Variants in GADL1 observed in about 807,000 individuals in gnomAD.
GADL1 encodes acidic amino acid decarboxylase GADL1.
Under a neutral mutation model 69.5 loss-of-function variants are expected in GADL1, and 71 were observed. That is an observed-to-expected ratio of 1.02 (90% confidence interval 0.84 to 1.25). The LOEUF (loss-of-function observed/expected upper bound fraction) is 1.25, where lower values mean the gene tolerates loss of function less well. Among genes scored for constraint, GADL1 ranks in the 50% most tolerant of loss-of-function variants. The pLI is 0.00. For missense variants in GADL1, 737 were observed against 631.8 expected (o/e 1.17, Z -1.79); for synonymous variants, 254 against 214.4 (o/e 1.18, Z -1.62).
chr3:30,850,134 G>A (rs780594364), intron 5 of GADL1, 23 bp from the exon 6 acceptor site: 6 of 1,295,910 alleles, frequency 4.6e-6, no homozygotes, highest in Non-Finnish European at 4.5e-6. Flanking sequence ...AATTAAAATG[G>A]CATATTTATA....
At chr3:30,768,103 C>CT (rs1262134743) in intron 14 of GADL1, among the ~76,000 whole-genome samples, 1 of 145,952 alleles carries the variant, frequency 6.9e-6, no homozygotes, top group East Asian at 2.1e-4. Flanking sequence ...TCATTCCTTA[C>CT]TGCTGGCATT....
intron 8 of GADL1, among the ~76,000 whole-genome samples, chr3:30,843,616 T>G (rs929729894): frequency 6.6e-6 from 1 of 152,202 alleles, no homozygotes; most frequent in Admixed American, 6.5e-5. Flanking sequence ...GCACAGCAGG[T>G]GCCCAGAGCC....
intron 14 of GADL1, among the ~76,000 whole-genome samples, chr3:30,772,372 CAAAA>C (rs1696435992): frequency 6.6e-6 from 1 of 152,052 alleles, no homozygotes; most frequent in Non-Finnish European, 1.5e-5. Context: ...GAAATATTGA[CAAAA>C]TAAGAAATAT....
At chr3:30,818,346 A>G (rs1219138563) in intron 11 of GADL1, among the ~76,000 whole-genome samples, 1 of 152,224 alleles carries the variant, frequency 6.6e-6, no homozygotes, top group East Asian at 1.9e-4. Flanking sequence ...TGGATGTACA[A>G]AAAGGGAACT....
At chr3:30,801,123 T>C (rs769392400) in intron 11 of GADL1, 35 bp from the exon 12 acceptor site, 2 of 1,517,394 alleles carry the variant, frequency 1.3e-6, no homozygotes, top group Admixed American at 3.4e-5. Flanking sequence ...ACTGTTAAAC[T>C]TTAGAATATA....
At chr3:30,787,745 A>C (rs921019430) in intron 12 of GADL1, among the ~76,000 whole-genome samples, 1 of 152,164 alleles carries the variant, frequency 6.6e-6, no homozygotes, top group Non-Finnish European at 1.5e-5. Context: ...CTTACCTGTA[A>C]AACTGGACTA....
chr3:30,886,320 G>A (rs1698708298), intron 1 of GADL1, among the ~76,000 whole-genome samples: 1 of 152,102 alleles, frequency 6.6e-6, no homozygotes, highest in Non-Finnish European at 1.5e-5. Context: ...AAAAGAAGAA[G>A]CAATATGGAG....
intron 11 of GADL1, among the ~76,000 whole-genome samples, chr3:30,822,822 AAAT>A (rs1400299732): frequency 4.6e-5 from 7 of 151,970 alleles, no homozygotes; most frequent in Non-Finnish European, 1.0e-4. Flanking sequence ...TTACATAACT[AAAT>A]AATAGCATAT....
intron 14 of GADL1, among the ~76,000 whole-genome samples, chr3:30,751,790 A>G (rs537644301): frequency 7.2e-6 from 1 of 138,500 alleles, no homozygotes; most frequent in Non-Finnish European, 1.7e-5. Flanking sequence ...TTCATGGCTC[A>G]TAGTTTTTAG....
Position 30,861,629 on chromosome 3 carries a change from T to G in GADL1, c.174A>C (p.Glu58Asp). Reference protein sequence around the residue: ...FVEEACRLIMEEVVLKATDVN... With the variant: ...FVEEACRLIMDEVVLKATDVN... ...CATCTGTAGCTTTCAAAACCACCTC[T>G]TCCATTATTAGCCTACAGGCCTCTT... Residue 58 changes from glutamate (E) to aspartate (D), a missense_variant, in exon 2 of 15, where the codon GAA (glutamate) becomes GAC (aspartate). Glu to Asp is a conservative substitution (Grantham distance 45). Transcript: ENST00000282538. 1 of 1,549,946 alleles carries G rather than the reference T, an allele frequency of 6.5e-7. No individual in the cohort carries two copies. The highest frequency in any genetic ancestry group is 8.7e-7 in the Non-Finnish European group (1 of 1,145,930).
intron 13 of GADL1, among the ~76,000 whole-genome samples, chr3:30,785,459 G>A (rs535600341): frequency 4.4e-4 from 64 of 144,788 alleles, no homozygotes; most frequent in African/African-American, 1.6e-3. Context: ...ATAGCTCACC[G>A]CAACCACCGC....
At chr3:30,806,098 C>G (rs938186369) in intron 11 of GADL1, among the ~76,000 whole-genome samples, 1 of 151,960 alleles carries the variant, frequency 6.6e-6, no homozygotes, top group Admixed American at 6.6e-5. Flanking sequence ...CAACAACAAA[C>G]CTTTGTATTT....
chr3:30,842,821 T>TAAAAAAAAAAAAAAAAAAA (rs1559358436), intron 8 of GADL1, among the ~76,000 whole-genome samples: 2 of 66,468 alleles, frequency 3.0e-5, no homozygotes, highest in Non-Finnish European at 5.3e-5. Flanking sequence ...ATTGGAATGT[T>TAAAAAAAAAAAAAAAAAAA]TAAAAAAAAA....
At chr3:30,812,291 T>C (rs1157980089) in intron 11 of GADL1, among the ~76,000 whole-genome samples, 1 of 152,186 alleles carries the variant, frequency 6.6e-6, no homozygotes, top group Non-Finnish European at 1.5e-5. Context: ...TATTCAACCT[T>C]TTGCTTTGCT....
intron 6 of GADL1, among the ~76,000 whole-genome samples, chr3:30,848,937 C>T (rs1559360426): frequency 6.6e-6 from 1 of 152,106 alleles, no homozygotes; most frequent in African/African-American, 2.4e-5. Flanking sequence ...CAGCAAGTCC[C>T]CCCATGAGGT....
intron 11 of GADL1, among the ~76,000 whole-genome samples, chr3:30,814,785 G>A (rs1246109809): frequency 6.6e-6 from 1 of 152,016 alleles, no homozygotes; most frequent in African/African-American, 2.4e-5. Flanking sequence ...CCAAGATAGT[G>A]AAATCCTGCC....
At chr3:30,842,092 A>G (rs971525085) in intron 8 of GADL1, among the ~76,000 whole-genome samples, 1 of 152,006 alleles carries the variant, frequency 6.6e-6, no homozygotes, top group Non-Finnish European at 1.5e-5. Context: ...GAGGAGGAGG[A>G]AGCTATAGAT....
rs1217122136 is a variant in GADL1 at position 30,854,584 on chromosome 3, T to TAG, written c.428+114_428+115insCT. On this transcript the variant is annotated intron_variant, in intron 4 of 14. Coordinates refer to ENST00000282538, the MANE Select transcript of GADL1 (RefSeq NM_207359.3). ...AAGTATCATAAAACTATTCCATTAT[T>TAG]TGCGATGGCACTATGCAAAAGAAAC... is the stretch of plus-strand genomic sequence containing the variant. 2.3e-5 allele frequency: 14 copies of TAG among 615,828 alleles called. No individual in the cohort carries two copies. The African/African-American group carries it at 2.6e-4, about 11-fold the overall frequency. 38.1% of individuals were successfully genotyped at this position (615,828 alleles called of 1,614,324 possible).
At chr3:30,761,749 A>T (rs915404729) in intron 14 of GADL1, among the ~76,000 whole-genome samples, 3 of 152,140 alleles carry the variant, frequency 2.0e-5, no homozygotes, top group Non-Finnish European at 4.4e-5. Flanking sequence ...CCAGTAAGTA[A>T]AAAATCTGGA....
Sources: gnomAD v4.1 joint callset for allele counts (sites outside exome capture counted in the v4.1 genomes callset) on GRCh38, gnomAD v4.1.1 for gene constraint, MANE v1.5 for transcripts, NCBI Gene and HGNC (gene_info 2026-07-23, HGNC 2026-07-21) for gene names.